Variants in RCAN2 observed in about 807,000 individuals in gnomAD.
RCAN2 encodes calcipressin-2.
Under a neutral mutation model 23.6 loss-of-function variants are expected in RCAN2, and 9 were observed. The ratio of observed to expected loss-of-function variants is 0.38; its 90% CI spans 0.23 to 0.67. The LOEUF (loss-of-function observed/expected upper bound fraction) is 0.67, where lower values mean the gene tolerates loss of function less well. Among genes scored for constraint, RCAN2 ranks in the 30% least tolerant of loss-of-function variants. The probability of loss-of-function intolerance (pLI) is 0.51; values close to 1 mark genes in which losing one functional copy is unlikely to be tolerated. For synonymous variants in RCAN2, 109 were observed against 115.7 expected (o/e 0.94, Z 0.37); for missense variants, 273 against 302.3 (o/e 0.90, Z 0.72).
At chr6:46,484,474 A>C (rs1031221424) in intron 1 of RCAN2, among the ~76,000 whole-genome samples, 1 of 152,230 alleles carries the variant, frequency 6.6e-6, no homozygotes, top group Non-Finnish European at 1.5e-5. Context: ...AACAGAACTA[A>C]TGCAAATAAG....
intron 2 of RCAN2, among the ~76,000 whole-genome samples, chr6:46,392,038 A>T (rs1307235574): frequency 6.6e-6 from 1 of 152,234 alleles, no homozygotes; most frequent in African/African-American, 2.4e-5. Context: ...CCCAGCAGAA[A>T]TAAATGCCAC....
At chr6:46,459,142 C>A (rs1422694571) in intron 1 of RCAN2, among the ~76,000 whole-genome samples, 1 of 152,224 alleles carries the variant, frequency 6.6e-6, no homozygotes, top group African/African-American at 2.4e-5. Flanking sequence ...AGGTGATCCA[C>A]CCACCTGGGC....
chr6:46,284,529 C>G (rs1376346900), intron 2 of RCAN2, among the ~76,000 whole-genome samples: 1 of 152,150 alleles, frequency 6.6e-6, no homozygotes. Flanking sequence ...TGCAGGAGCT[C>G]CCCAGGTGAC....
chr6:46,442,820 T>A (rs1767591206), intron 2 of RCAN2, among the ~76,000 whole-genome samples: 1 of 152,208 alleles, frequency 6.6e-6, no homozygotes. Flanking sequence ...GTCAGGCTCT[T>A]GGGCCCCGGG....
At chr6:46,407,615 G>A (rs1766439677) in intron 2 of RCAN2, among the ~76,000 whole-genome samples, 1 of 152,200 alleles carries the variant, frequency 6.6e-6, no homozygotes, top group Non-Finnish European at 1.5e-5. Context: ...GGATGAGGTG[G>A]TAAAAATATA....
At chr6:46,472,738 G>A (rs1768600978) in intron 1 of RCAN2, among the ~76,000 whole-genome samples, 5 of 152,110 alleles carry the variant, frequency 3.3e-5, no homozygotes, top group Admixed American at 2.6e-4. Context: ...AGAATTTCTT[G>A]AATGATTGGG....
intron 2 of RCAN2, among the ~76,000 whole-genome samples, chr6:46,387,848 C>T (rs912425717): frequency 2.0e-5 from 3 of 152,078 alleles, no homozygotes; most frequent in African/African-American, 7.2e-5. Context: ...GACTTGGAAC[C>T]AACCCAAATG....
chr6:46,328,948 C>T (rs543527784), intron 2 of RCAN2, among the ~76,000 whole-genome samples: 5 of 152,264 alleles, frequency 3.3e-5, no homozygotes, highest in African/African-American at 1.2e-4. Flanking sequence ...GACTTGCAGC[C>T]TTGGAGGTGT....
intron 2 of RCAN2, among the ~76,000 whole-genome samples, chr6:46,297,184 C>A (rs975239948): frequency 6.6e-6 from 1 of 152,006 alleles, no homozygotes; most frequent in East Asian, 1.9e-4. Flanking sequence ...GCAGCAGGTA[C>A]CCCATGGGGC....
At chr6:46,328,161 GT>G (rs200559436) in intron 2 of RCAN2, among the ~76,000 whole-genome samples, 20 of 149,444 alleles carry the variant, frequency 1.3e-4, no homozygotes, top group Admixed American at 2.7e-4. Context: ...AAAATAGGCA[GT>G]TTTTTTTTTC....
intron 2 of RCAN2, among the ~76,000 whole-genome samples, chr6:46,417,670 AT>A (rs1464922106): frequency 6.6e-6 from 1 of 152,162 alleles, no homozygotes; most frequent in Admixed American, 6.5e-5. Context: ...GTTTTCTCTA[AT>A]TCCTTATATA....
chr6:46,229,374 TG>T (rs1426072386), intron 4 of RCAN2, among the ~76,000 whole-genome samples: 1 of 152,224 alleles, frequency 6.6e-6, no homozygotes, highest in Non-Finnish European at 1.5e-5. Context: ...TTTTCCAACT[TG>T]GTTCCATTCT....
chr6:46,273,204 A>C (rs555868941), intron 2 of RCAN2, among the ~76,000 whole-genome samples: 2 of 152,142 alleles, frequency 1.3e-5, no homozygotes, highest in African/African-American at 2.4e-5. Flanking sequence ...ATGGACCAAC[A>C]TGGTTCTTTT....
chr6:46,258,033 C>T (rs551759671), intron 2 of RCAN2, among the ~76,000 whole-genome samples: 16 of 152,310 alleles, frequency 1.1e-4, no homozygotes, highest in African/African-American at 3.8e-4. Flanking sequence ...ATATATTTTT[C>T]AATTTTCACA....
At chr6:46,285,055 G>A (rs1366366421) in intron 2 of RCAN2, among the ~76,000 whole-genome samples, 1 of 152,052 alleles carries the variant, frequency 6.6e-6, no homozygotes, top group South Asian at 2.1e-4. Context: ...ATCTATACAT[G>A]TTTGCTTTGC....
At chr6:46,343,524 C>T (rs1479783278) in intron 2 of RCAN2, among the ~76,000 whole-genome samples, 5 of 151,866 alleles carry the variant, frequency 3.3e-5, no homozygotes, top group African/African-American at 4.8e-5. Context: ...TACAGGTGCC[C>T]GTCACCACGC....
At chr6:46,382,959 G>A (rs944485359) in intron 2 of RCAN2, among the ~76,000 whole-genome samples, 1 of 152,138 alleles carries the variant, frequency 6.6e-6, no homozygotes, top group African/African-American at 2.4e-5. Context: ...ATAGTACAAA[G>A]AACCTATTAT....
At chr6:46,466,138 CA>C (rs1267284030) in intron 1 of RCAN2, among the ~76,000 whole-genome samples, 1 of 152,104 alleles carries the variant, frequency 6.6e-6, no homozygotes, top group East Asian at 1.9e-4. Flanking sequence ...AAAGAAGGCC[CA>C]AAGCCTCTGG....
At chr6:46,317,638 G>A (rs1254540084) in intron 2 of RCAN2, among the ~76,000 whole-genome samples, 1 of 151,518 alleles carries the variant, frequency 6.6e-6, no homozygotes, top group Non-Finnish European at 1.5e-5. Context: ...ATTTTTTTTT[G>A]TATTTTTTAG....
Sources: allele counts gnomAD v4.1 joint callset (sites outside exome capture counted in the v4.1 genomes callset), GRCh38; gene constraint gnomAD v4.1.1; transcripts MANE v1.5; gene names NCBI Gene and HGNC (gene_info 2026-07-23, HGNC 2026-07-21).